PTCHD4: variants seen among roughly 807,000 people sequenced by gnomAD.
PTCHD4 encodes patched domain containing 4.
A neutral mutation model predicts 58.1 loss-of-function variants in PTCHD4; 33 were observed. That is an observed-to-expected ratio of 0.57 (90% CI 0.43 to 0.76). PTCHD4 has a LOEUF of 0.76. Among genes scored for constraint, PTCHD4 ranks in the 30% least tolerant of loss-of-function variants. PTCHD4 has a pLI of 0.00. For missense variants in PTCHD4, 1,058 were observed against 1,027.1 expected, an observed-to-expected ratio of 1.03 and a Z score of -0.41; for synonymous variants, 478 against 409.6, an observed-to-expected ratio of 1.17 and a Z score of -2.02.
chr6:48,099,651 G>A (rs904994617), intron 1 of PTCHD4, among the ~76,000 whole-genome samples: 6 of 152,146 alleles, frequency 3.9e-5, no homozygotes, highest in African/African-American at 1.2e-4. Context: ...AAATAATTAC[G>A]ATATGAGGTT....
intron 1 of PTCHD4, among the ~76,000 whole-genome samples, chr6:48,096,425 G>A (rs1051940940): frequency 6.6e-6 from 1 of 151,818 alleles, no homozygotes. Context: ...CAGCCTGGAC[G>A]AAATGGTAAA....
chr6:48,021,476 C>A (rs1763070286), intron 3 of PTCHD4, among the ~76,000 whole-genome samples: 1 of 152,074 alleles, frequency 6.6e-6, no homozygotes, highest in African/African-American at 2.4e-5. Context: ...TTAATCTTTG[C>A]CTTTGTACCT....
In PTCHD4 at chr6:47,909,651, T is replaced by G. The variant is rs186821809; in HGVS notation, c.899-29715A>C. 9.2e-5 allele frequency among the ~76,000 whole-genome samples: 14 copies of G among 152,158 alleles called. No individual in the cohort carries two copies. In the East Asian group the frequency reaches 2.7e-3, roughly 29 times the overall value. On this transcript the variant is annotated intron_variant, in intron 4 of 4. Coordinates refer to ENST00000339488, the MANE Select transcript of PTCHD4 (RefSeq NM_001384253.1). Reference sequence around the variant, plus strand: ...AGAGACAGGGTATCACTATATTGCCTAGGCTGGCCTCAAACTTCTGGCTTC... The same window carrying G: ...AGAGACAGGGTATCACTATATTGCCGAGGCTGGCCTCAAACTTCTGGCTTC...
intron 4 of PTCHD4, among the ~76,000 whole-genome samples, chr6:47,909,506 C>T (rs910478975): frequency 6.6e-6 from 1 of 152,066 alleles, no homozygotes; most frequent in Non-Finnish European, 1.5e-5. Flanking sequence ...TAATATTTTA[C>T]AGTGTTAAGA....
intron 1 of PTCHD4, among the ~76,000 whole-genome samples, chr6:48,074,164 G>C (rs944292077): frequency 7.9e-5 from 12 of 151,828 alleles, no homozygotes; most frequent in Non-Finnish European, 1.6e-4. Flanking sequence ...GGGCGTATCC[G>C]AGATATAACG....
In PTCHD4 at chr6:47,988,493, A is replaced by G. The variant is rs114546711; in HGVS notation, c.898+20141T>C. ...TATAAAAACCTTAGAGACTGTGCTG[A>G]TATGGTTTGGCTCTCTGTCCCCACC... On this transcript the variant is annotated intron_variant, in intron 4 of 4. Transcript: ENST00000339488. Among the ~76,000 whole-genome samples, 1,067 of 152,266 alleles carry G rather than the reference A, an allele frequency of 7.0e-3. 14 individuals are homozygous for G. Among genetic ancestry groups the G allele is most frequent in the African/African-American group, 0.023 (957 of 41,552 alleles).
chr6:48,091,403 C>T (rs997794217), intron 1 of PTCHD4, among the ~76,000 whole-genome samples: 3 of 151,528 alleles, frequency 2.0e-5, no homozygotes, highest in Non-Finnish European at 4.4e-5. Flanking sequence ...ATATTTAGGC[C>T]CCACCCAGAC....
intron 1 of PTCHD4, among the ~76,000 whole-genome samples, chr6:48,074,105 T>G (rs1765020165): frequency 6.6e-6 from 1 of 151,958 alleles, no homozygotes; most frequent in Non-Finnish European, 1.5e-5. Flanking sequence ...TTTAAGGAGT[T>G]TGCCAGGGAT....
intron 1 of PTCHD4, among the ~76,000 whole-genome samples, chr6:48,109,930 A>ATGTGC (rs1765828958): frequency 1.3e-5 from 2 of 152,104 alleles, no homozygotes; most frequent in African/African-American, 4.8e-5. Flanking sequence ...TAAAACTTAA[A>ATGTGC]AAGAGAGAAA....
intron 4 of PTCHD4, among the ~76,000 whole-genome samples, chr6:48,007,706 A>G (rs1762496541): frequency 6.6e-6 from 1 of 152,210 alleles, no homozygotes; most frequent in Non-Finnish European, 1.5e-5. Context: ...TAATATGAAG[A>G]CTGTCTTGCT....
chr6:48,085,467 A>G (rs1765246043), intron 1 of PTCHD4, among the ~76,000 whole-genome samples: 1 of 152,218 alleles, frequency 6.6e-6, no homozygotes, highest in African/African-American at 2.4e-5. Flanking sequence ...ACAACTGACT[A>G]GAATTGATAA....
rs1394198949 is a variant in PTCHD4 at position 47,861,225 on chromosome 6, A to G, written c.*17078T>C. ...CCATCCTTCTAAATATGTCTTAGTC[A>G]TTGCTGTGCTAAATAGAAGAGGTGG... On this transcript the variant is annotated 3_prime_UTR_variant, in exon 5 of 5. Transcript: ENST00000339488. 6.6e-6 allele frequency among the ~76,000 whole-genome samples: 1 copy of G among 151,246 alleles called. No individual in the cohort carries two copies. The highest frequency in any genetic ancestry group is 1.5e-5 in the Non-Finnish European group (1 of 67,780).
At position 48,008,804 on chromosome 6, in the gene PTCHD4, G is replaced by A; in HGVS notation, c.728C>T (p.Thr243Ile). Residue 243 changes from threonine (T) to isoleucine (I), a missense_variant, in exon 4 of 5, where the codon ACC becomes ATC. By Grantham distance (89) the Thr-to-Ile change is moderately conservative. Transcript: ENST00000339488. ...KVLVSLVLIL[T>I]TATLSSSMKD... Reference sequence around the variant, plus strand: ...CATGGAGCTGGAGAGGGTGGCTGTGGTCAGGATCAGCACGAGGCTCACCAG... The same window carrying A: ...CATGGAGCTGGAGAGGGTGGCTGTGATCAGGATCAGCACGAGGCTCACCAG... The A allele has an allele frequency of 1.2e-6, 2 of 1,613,996 alleles. No homozygotes were observed. The highest frequency in any genetic ancestry group is 8.5e-7 in the Non-Finnish European group (1 of 1,179,884).
At chr6:48,025,002 A>G (rs756256358) in intron 3 of PTCHD4, among the ~76,000 whole-genome samples, 7 of 152,154 alleles carry the variant, frequency 4.6e-5, no homozygotes, top group Admixed American at 2.0e-4. Context: ...TGAACACTCT[A>G]CTGGATTGCT....
intron 4 of PTCHD4, among the ~76,000 whole-genome samples, chr6:47,919,776 G>A (rs543101955): frequency 6.6e-5 from 10 of 152,084 alleles, no homozygotes; most frequent in African/African-American, 2.4e-4. Flanking sequence ...TGTCGAAGCA[G>A]GATATATGTC....
chr6:48,025,545 C>T (rs1044022970), intron 3 of PTCHD4, among the ~76,000 whole-genome samples: 11 of 152,174 alleles, frequency 7.2e-5, no homozygotes, highest in African/African-American at 2.7e-4. Context: ...GGCAAAGATT[C>T]TCTTCTTTAG....
chr6:47,945,200 C>T (rs1766371463), intron 4 of PTCHD4, among the ~76,000 whole-genome samples: 1 of 152,042 alleles, frequency 6.6e-6, no homozygotes, highest in African/African-American at 2.4e-5. Context: ...ACATTTTAAA[C>T]ATCTTAAGTA....
chr6:47,867,063 T>G lies in PTCHD4; in HGVS notation c.*11240A>C, dbSNP rs1401893499. Among the ~76,000 whole-genome samples the G allele has an allele frequency of 1.3e-5, 2 of 151,854 alleles. No individual in the cohort carries two copies. Among genetic ancestry groups the G allele is most frequent in the Admixed American group, 6.6e-5 (1 of 15,200 alleles). ...TAGTACTTGTTTACAATGTTTTCTT[T>G]CTGGGAACAATCTATAAATCAGGGA... On this transcript the variant is annotated 3_prime_UTR_variant, in exon 5 of 5. Transcript: ENST00000339488.
At chr6:47,972,746 A>G (rs1767563917) in intron 4 of PTCHD4, among the ~76,000 whole-genome samples, 1 of 151,012 alleles carries the variant, frequency 6.6e-6, no homozygotes, top group African/African-American at 2.5e-5. Context: ...CAACATCTAG[A>G]ATGAGCTTCA....
Sources: allele counts gnomAD v4.1 joint callset (sites outside exome capture counted in the v4.1 genomes callset), GRCh38; gene constraint gnomAD v4.1.1; transcripts MANE v1.5; gene names NCBI Gene and HGNC (gene_info 2026-07-23, HGNC 2026-07-21).